The following DTHD1 variants were observed in gnomAD, a reference collection of about 807,000 sequenced individuals.
DTHD1 encodes death domain-containing protein 1.
A neutral mutation model predicts 74.8 loss-of-function variants in DTHD1; 59 were observed. The observed-to-expected ratio is 0.79, with a 90% CI of 0.64 to 0.98. The LOEUF is 0.98. DTHD1 is among the 50% of genes least tolerant of loss of function. DTHD1 has a pLI of 0.00. For synonymous variants in DTHD1, 365 were observed against 371.1 expected (o/e 0.98, Z 0.19); for missense variants, 1,051 against 1,065.4 (o/e 0.99, Z 0.19).
At chr4:36,295,585 A>T (rs909604638) in intron 5 of DTHD1, among the ~76,000 whole-genome samples, 12 of 152,076 alleles carry the variant, frequency 7.9e-5, no homozygotes, top group East Asian at 5.8e-4. Context: ...AATATATATT[A>T]AAAAAAACTT....
chr4:36,316,540 G>A (rs1287170533), intron 8 of DTHD1, 54 bp downstream of exon 8: 2 of 1,473,502 alleles, frequency 1.4e-6, no homozygotes, highest in Non-Finnish European at 1.8e-6. Context: ...TTATAATTCT[G>A]TAACACAATC....
At chr4:36,337,805 C>A (rs1034502442) in intron 8 of DTHD1, among the ~76,000 whole-genome samples, 1 of 152,182 alleles carries the variant, frequency 6.6e-6, no homozygotes, top group African/African-American at 2.4e-5. Context: ...GTATGCTACT[C>A]ATTAACATGT....
intron 5 of DTHD1, among the ~76,000 whole-genome samples, chr4:36,295,281 T>C (rs1436514723): frequency 1.3e-5 from 2 of 152,164 alleles, no homozygotes; most frequent in African/African-American, 2.4e-5. Context: ...CAGAAATGCA[T>C]GCTGGGTGGT....
Position 36,284,207 on chromosome 4 carries a change from A to G in DTHD1, c.503A>G (p.Glu168Gly). 6.5e-7 allele frequency: 1 copy of G among 1,537,210 alleles called. No homozygotes were observed. The highest frequency in any genetic ancestry group is 8.7e-7 in the Non-Finnish European group (1 of 1,146,872). ...ACTGTTTCTCCCACAAATGGAGAGG[A>G]AAGTCATTACACAAACCAGGTCCAG... is the stretch of plus-strand genomic sequence containing the variant. ...TATVSPTNGE[E>G]SHYTNQVQLE... is the part of the protein sequence containing the mutation. The change falls in exon 2 of 10, where the codon GAA (glutamate) becomes GGA (glycine). Residue 168 changes from glutamate (E) to glycine (G), a missense_variant. By Grantham distance (98) the Glu-to-Gly change is moderately conservative (BLOSUM62 -2). Transcript: ENST00000639862.
chr4:36,307,258 C>T (rs562368032), intron 6 of DTHD1, among the ~76,000 whole-genome samples: 35 of 152,312 alleles, frequency 2.3e-4, no homozygotes, highest in African/African-American at 8.2e-4. Context: ...CTTATTGTTT[C>T]ACAGTTCTGG....
chr4:36,288,773 T>A (rs1755874833), intron 2 of DTHD1, among the ~76,000 whole-genome samples: 1 of 152,232 alleles, frequency 6.6e-6, no homozygotes, highest in South Asian at 2.1e-4. Flanking sequence ...AGTCACCTTG[T>A]TCTACTTCAT....
Position 36,293,573 on chromosome 4 carries a change from T to C in DTHD1, c.1266T>C (p.Val422=), listed in dbSNP as rs1756210599. 1.0e-5 allele frequency: 16 copies of C among 1,549,456 alleles called. No homozygotes were observed. In the East Asian group the frequency reaches 3.9e-4, roughly 38 times the overall value. Residue 422 remains valine (V), a synonymous_variant, in exon 4 of 10, where the codon GTT becomes GTC. Coordinates refer to ENST00000639862, the MANE Select transcript of DTHD1 (RefSeq NM_001170700.3). ...VKVYKLGIFS[V]VSCLKKESFT... is the part of the protein sequence containing the mutation. ...TTTACAAATTGGGTATCTTTTCTGT[T>C]GTGTCTTGTTTAAAGAAAGAGTCGT...
intron 5 of DTHD1, among the ~76,000 whole-genome samples, chr4:36,298,810 A>C (rs1406941187): frequency 6.6e-6 from 1 of 152,196 alleles, no homozygotes; most frequent in African/African-American, 2.4e-5. Context: ...TTACTATGCA[A>C]TCAATATTTT....
intron 9 of DTHD1, among the ~76,000 whole-genome samples, chr4:36,340,070 C>T (rs190717146): frequency 1.5e-3 from 223 of 152,274 alleles, no homozygotes; most frequent in African/African-American, 5.0e-3. Flanking sequence ...TAGAAGGATC[C>T]TTCTTATGGG....
At position 36,297,708 on chromosome 4, in the gene DTHD1, G is replaced by A. The variant is rs17458643; in HGVS notation, c.1643+2669G>A. Among the ~76,000 whole-genome samples the A allele has an allele frequency of 5.6e-3, 855 of 152,160 alleles. 9 individuals carry two copies. The highest frequency in any genetic ancestry group is 7.7e-3 in the Non-Finnish European group (527 of 68,006). ...TCCCTGTGCAGCTGGAGGTTGTATC[G>A]TATGTCTGGGAATAGATATTAAACT... is the stretch of plus-strand genomic sequence containing the variant. On this transcript the variant is annotated intron_variant, in intron 5 of 9. Transcript: ENST00000639862.
At chr4:36,297,015 A>C (rs1179248783) in intron 5 of DTHD1, among the ~76,000 whole-genome samples, 1 of 152,246 alleles carries the variant, frequency 6.6e-6, no homozygotes, top group African/African-American at 2.4e-5. Context: ...TTATAATAAA[A>C]TAAGCTAGAG....
chr4:36,286,873 T>C (rs1248160217), intron 2 of DTHD1, among the ~76,000 whole-genome samples: 2 of 152,244 alleles, frequency 1.3e-5, no homozygotes, highest in Non-Finnish European at 2.9e-5. Flanking sequence ...AGTATTATAA[T>C]TTTTAAGACC....
rs1755558614 is a variant in DTHD1 at position 36,284,144 on chromosome 4, TTG to T, written c.441_442del (p.Ala148CysfsTer33). Reference sequence around the variant, plus strand: ...ATTCAAGATACCAAAGCAGCAGACATTGCTGCAAGAGGGGAACTAAATGTCAT... The same window carrying T: ...ATTCAAGATACCAAAGCAGCAGACATCTGCAAGAGGGGAACTAAATGTCAT... On this transcript the variant is annotated frameshift_variant, in exon 2 of 10. Transcript: ENST00000639862. LOFTEE classifies it high-confidence loss of function. The T allele has an allele frequency of 6.5e-7, 1 of 1,537,060 alleles. No homozygotes were observed. Among genetic ancestry groups the T allele is most frequent in the Non-Finnish European group, 8.7e-7 (1 of 1,146,866 alleles).
intron 5 of DTHD1, 78 bp downstream of exon 5, chr4:36,295,117 G>T: frequency 2.2e-6 from 3 of 1,339,810 alleles, no homozygotes; most frequent in Non-Finnish European, 9.8e-7. Flanking sequence ...GCAGTCAAAT[G>T]CCTTGTATTT....
At chr4:36,307,883 C>A (rs1226321159) in intron 6 of DTHD1, among the ~76,000 whole-genome samples, 1 of 151,866 alleles carries the variant, frequency 6.6e-6, no homozygotes, top group East Asian at 1.9e-4. Context: ...TTATTTATTT[C>A]TTTTTTTACA....
At chr4:36,327,507 T>G (rs549096955) in intron 8 of DTHD1, among the ~76,000 whole-genome samples, 1 of 152,186 alleles carries the variant, frequency 6.6e-6, no homozygotes, top group Non-Finnish European at 1.5e-5. Flanking sequence ...GTAGCTGCAT[T>G]TATGGGTCAA....
At chr4:36,337,501 C>T (rs1470119606) in intron 8 of DTHD1, among the ~76,000 whole-genome samples, 5 of 152,164 alleles carry the variant, frequency 3.3e-5, no homozygotes, top group Non-Finnish European at 7.3e-5. Context: ...GCCATGTGCC[C>T]TTTGATGGGA....
In DTHD1 at chr4:36,346,553, T is replaced by C. The variant is rs1241032960; in HGVS notation, c.*2729T>C. On this transcript the variant is annotated 3_prime_UTR_variant, in exon 10 of 10. Coordinates refer to ENST00000639862, the MANE Select transcript of DTHD1 (RefSeq NM_001170700.3). ...TAATCCAGGAAATCAATCCCATGTG[T>C]AATCTGTGCCACTTGGATTGAGACC... Among the ~76,000 whole-genome samples the C allele has an allele frequency of 6.6e-6, 1 of 152,102 alleles. No individual in the cohort carries two copies. The highest frequency in any genetic ancestry group is 2.4e-5 in the African/African-American group (1 of 41,432).
chr4:36,282,449 C>T (rs1048841146), intron 1 of DTHD1, among the ~76,000 whole-genome samples: 12 of 152,050 alleles, frequency 7.9e-5, no homozygotes, highest in Non-Finnish European at 2.9e-5. Flanking sequence ...TTTTTTATAT[C>T]AGAATATAGT....
Sources: gnomAD v4.1 joint callset for allele counts (sites outside exome capture counted in the v4.1 genomes callset) on GRCh38, gnomAD v4.1.1 for gene constraint, MANE v1.5 for transcripts, NCBI Gene and HGNC (gene_info 2026-07-23, HGNC 2026-07-21) for gene names.